NOTCH1: variants seen among roughly 807,000 people sequenced by gnomAD.
NOTCH1 encodes the protein notch receptor 1, also known as neurogenic locus notch homolog protein 1.
In NOTCH1, 37 loss-of-function variants were observed where a neutral mutation model predicts 254.8. The ratio of observed to expected loss-of-function variants is 0.15; its 90% CI spans 0.11 to 0.19. The LOEUF is 0.19. Among genes scored for constraint, NOTCH1 ranks in the 10% least tolerant of loss-of-function variants. The probability of loss-of-function intolerance (pLI) is 1.00; values close to 1 mark genes in which losing one functional copy is unlikely to be tolerated. For synonymous variants in NOTCH1, 1,731 were observed against 1,618.1 expected, an observed-to-expected ratio of 1.07 and a Z score of -1.68; for missense variants, 2,972 against 3,708.6, an observed-to-expected ratio of 0.80 and a Z score of 5.16.
rs373770404 is a variant in NOTCH1 at position 136,518,155 on chromosome 9, C to T, written c.1237G>A (p.Val413Met). 4.1e-5 allele frequency: 66 copies of T among 1,592,766 alleles called. No individual in the cohort carries two copies. Among genetic ancestry groups the T allele is most frequent in the Non-Finnish European group, 5.3e-5 (62 of 1,170,130 alleles). ...CACCTACCCAGCGAGCACTCATCCA[C>T]GTCCTGGCTGCAGGCCGGGCCCGTG... ...GYTGPACSQD[V>M]DECSLGANPC... The change falls in exon 7 of 34, where the codon GTG becomes ATG. Residue 413 changes from valine (V) to methionine (M), a missense_variant. Physicochemically the swap from Val to Met is conservative, Grantham distance 21. This residue lies in a region of NOTCH1 where 90 missense variants were observed against 183.6 expected (regional missense o/e 0.49). Coordinates refer to ENST00000651671, the MANE Select transcript of NOTCH1 (RefSeq NM_017617.5).
At chr9:136,532,569 G>A (rs1030756887) in intron 2 of NOTCH1, among the ~76,000 whole-genome samples, 2 of 152,126 alleles carry the variant, frequency 1.3e-5, no homozygotes, top group African/African-American at 4.8e-5. Context: ...GGAGCCGGGC[G>A]TGCCGCCCGA....
Position 136,503,336 on chromosome 9 carries a change from CG to C in NOTCH1, c.5019-7del, listed in dbSNP as rs768823936. 6.2e-7 allele frequency: 1 copy of C among 1,612,618 alleles called. No individual in the cohort carries two copies. The highest frequency in any genetic ancestry group is 1.1e-5 in the South Asian group (1 of 91,078). ...TCTCCAGGTAGACGATGGAGCTGGG[CG>C]GACAATCAGAGAGGGGCTGGGACCC... On this transcript the variant is annotated splice_region_variant and splice_polypyrimidine_tract_variant and intron_variant, in intron 26 of 33. Transcript: ENST00000651671.
At chr9:136,528,118 G>C (rs1279004615) in intron 2 of NOTCH1, among the ~76,000 whole-genome samples, 1 of 151,598 alleles carries the variant, frequency 6.6e-6, no homozygotes, top group Non-Finnish European at 1.5e-5. Context: ...CCCAAAATGA[G>C]AAGGAGGGGT....
rs760327596 is a variant in NOTCH1, at chr9:136,518,841, C to T, written c.866-17G>A. 1.9e-6 allele frequency: 3 copies of T among 1,609,344 alleles called. No individual in the cohort carries two copies. Among genetic ancestry groups the T allele is most frequent in the Non-Finnish European group, 2.5e-6 (3 of 1,177,230 alleles). The stretch of plus-strand genomic sequence containing the variant: ...AGTACTGACCTGCAGGGAACAGGAG[C>T]TGTCGGCCCCGGGCAGCTGCCACTC... On this transcript the variant is annotated splice_polypyrimidine_tract_variant and intron_variant, in intron 5 of 33. Coordinates refer to ENST00000651671, the MANE Select transcript of NOTCH1 (RefSeq NM_017617.5).
At chr9:136,499,466 G>A (rs917067878) in intron 31 of NOTCH1, among the ~76,000 whole-genome samples, 9 of 152,246 alleles carry the variant, frequency 5.9e-5, no homozygotes, top group Non-Finnish European at 1.0e-4. Context: ...GCTGCCCACA[G>A]ACAGGCCCCT....
rs377289044 is a variant in NOTCH1, at chr9:136,506,765, G to A, written c.3852C>T (p.Cys1284=). The change falls in exon 23 of 34, where the codon TGC becomes TGT. Residue 1284 remains cysteine (C), a synonymous_variant. Coordinates refer to ENST00000651671, the MANE Select transcript of NOTCH1 (RefSeq NM_017617.5). This position sits in a 1 kb window ranked among gnomAD's most constrained non-coding sequence, Gnocchi z 4.5. ...NPCDARGTQN[C]VQRVNDFHCE... is the part of the protein sequence containing the mutation. ...AGTGGAAGTCATTGACGCGCTGCAC[G>A]CAGTTCTGGGTGCCACGGGCGTCGC... 40 of 1,607,728 alleles carry A rather than the reference G, an allele frequency of 2.5e-5. No homozygotes were observed. The Admixed American group carries it at 6.2e-4, about 25-fold the overall frequency.
In NOTCH1 at chr9:136,508,382, G is replaced by A. The variant is rs759406527; in HGVS notation, c.3175C>T (p.Leu1059Phe). The change falls in exon 20 of 34, where the codon CTT becomes TTT. Residue 1059 changes from leucine (L) to phenylalanine (F), a missense_variant. Physicochemically the swap from Leu to Phe is conservative, Grantham distance 22. Transcript: ENST00000651671. ...QGYTGPNCQN[L>F]VHWCDSSPCK... ...GGCGAGGAGTCACACCAGTGCACAA[G>A]GTTCTGGGGACAGATTGGGGTCAGC... 3 of 1,613,234 alleles carry A rather than the reference G, an allele frequency of 1.9e-6. No individual in the cohort carries two copies. Among genetic ancestry groups the A allele is most frequent in the South Asian group, 1.1e-5 (1 of 91,090 alleles).
At position 136,509,858 on chromosome 9, in the gene NOTCH1, C is replaced by T. The variant is rs2133350962; in HGVS notation, c.2844G>A (p.Glu948=). 1 of 1,613,126 alleles carries T rather than the reference C, an allele frequency of 6.2e-7. No individual in the cohort carries two copies. Among genetic ancestry groups the T allele is most frequent in the Non-Finnish European group, 8.5e-7 (1 of 1,180,024 alleles). The stretch of plus-strand genomic sequence containing the variant: ...CGTTGCGGCAGGGGTCACTGGCACA[C>T]TCGTTGATGTCCTCCTCACAGAAAG... ...RGTFCEEDIN[E]CASDPCRNGA... The change falls in exon 18 of 34, where the codon GAG becomes GAA. Residue 948 remains glutamate, a synonymous_variant. Coordinates refer to ENST00000651671, the MANE Select transcript of NOTCH1 (RefSeq NM_017617.5).
Position 136,497,109 on chromosome 9 carries a change from C to G in NOTCH1, c.6630G>C (p.Leu2210=). 1 of 1,611,372 alleles carries G rather than the reference C, an allele frequency of 6.2e-7. No homozygotes were observed. ...VDSLESPHGY[L]SDVASPPLLP... is the part of the protein sequence containing the mutation. ...GCAGTGGCGGCGAGGCCACGTCTGA[C>G]AGGTAGCCATGGGGTGACTCCAGGG... The change falls in exon 34 of 34, where the codon CTG becomes CTC. Residue 2210 remains leucine (L), a synonymous_variant. Coordinates refer to ENST00000651671, the MANE Select transcript of NOTCH1 (RefSeq NM_017617.5).
In NOTCH1 at chr9:136,494,561, T is replaced by C; in HGVS notation, c.*1510A>G. 1 of 399,046 alleles carries C rather than the reference T, an allele frequency of 2.5e-6. No individual in the cohort carries two copies. The highest frequency in any genetic ancestry group is 4.4e-6 in the Non-Finnish European group (1 of 226,082). 24.7% of individuals were successfully genotyped at this position (399,046 alleles called of 1,614,324 possible). ...GTCTTTTTCTGTAAACTACACTCTA[T>C]TTTATAAAACACAGTAAAAATCAAC... On this transcript the variant is annotated 3_prime_UTR_variant, in exon 34 of 34. Coordinates refer to ENST00000651671, the MANE Select transcript of NOTCH1 (RefSeq NM_017617.5).
chr9:136,517,691 C>A lies in NOTCH1; in HGVS notation c.1441+61G>T, dbSNP rs919860937. ...AAGCAACCCACAGATGTTCCCGGGG[C>A]TGCCCCTCCAAGGCTGCCCAGCCTC... On this transcript the variant is annotated intron_variant, in intron 8 of 33. Coordinates refer to ENST00000651671, the MANE Select transcript of NOTCH1 (RefSeq NM_017617.5). 1.9e-6 allele frequency: 3 copies of A among 1,589,998 alleles called. No homozygotes were observed. The African/African-American group carries it at 4.0e-5, about 21-fold the overall frequency.
At chr9:136,501,942 C>T (rs1264737189) in intron 29 of NOTCH1, 29 bp from the exon 30 acceptor site, 12 of 1,611,398 alleles carry the variant, frequency 7.4e-6, no homozygotes, top group South Asian at 1.1e-5. Context: ...CAGAGCCTGT[C>T]AGGGCAGCCC....
intron 26 of NOTCH1, 68 bp downstream of exon 26, chr9:136,504,605 C>CA: frequency 1.4e-6 from 2 of 1,421,760 alleles, no homozygotes; most frequent in Non-Finnish European, 1.9e-6. Flanking sequence ...CCGTGAGGGG[C>CA]AGGGAGGCCG....
intron 3 of NOTCH1, 143 bp downstream of exon 3, chr9:136,523,574 G>A (rs1321694385): frequency 3.7e-6 from 4 of 1,066,998 alleles, no homozygotes; most frequent in Non-Finnish European, 5.4e-6. Flanking sequence ...TCTGGGAGGG[G>A]GGCAGGGACC....
rs1397413424 is a variant in NOTCH1, at chr9:136,523,846, C to G, written c.274G>C (p.Gly92Arg). ...GTCAGGCAGAGGGGCCCAGAGAAGC[C>G]CAGGGCACAGCTGCAGGCATAGTCT... ...VADYACSCAL[G>R]FSGPLCLTPL... The change falls in exon 3 of 34, where the codon GGC becomes CGC. Residue 92 changes from glycine to arginine, a missense_variant. Gly to Arg is a moderately radical substitution (Grantham distance 125). Transcript: ENST00000651671. 1.9e-6 allele frequency: 3 copies of G among 1,611,824 alleles called. No homozygotes were observed. The African/African-American group carries it at 4.0e-5, about 22-fold the overall frequency.
rs1345675047 is a variant in NOTCH1, at chr9:136,495,901, A to G, written c.*170T>C. 9.8e-6 allele frequency: 7 copies of G among 711,950 alleles called. No individual in the cohort carries two copies. The highest frequency in any genetic ancestry group is 1.6e-5 in the Non-Finnish European group (7 of 451,366). The allele number at this position is 711,950 out of a possible 1,614,324, so 44.1% of individuals were successfully genotyped here. On this transcript the variant is annotated 3_prime_UTR_variant, in exon 34 of 34. Transcript: ENST00000651671. ...AAATAAAAAGGCAGTGTTTCTGTGTAAAATAAAAGTACATAAATAAATACT... is the reference window on the plus strand; with the variant it reads ...AAATAAAAAGGCAGTGTTTCTGTGTGAAATAAAAGTACATAAATAAATACT...
Position 136,514,545 on chromosome 9 carries a change from G to C in NOTCH1, c.2172C>G (p.Pro724=), listed in dbSNP as rs1344204097. ...LSEVNECNSN[P]CVHGACRDSL... ...TGTCCCGGCAGGCCCCGTGGACGCA[G>C]GGGTTGCTGTTGCACTCATTGACCT... Residue 724 remains proline (P), a synonymous_variant, in exon 13 of 34, where the codon CCC becomes CCG. Coordinates refer to ENST00000651671, the MANE Select transcript of NOTCH1 (RefSeq NM_017617.5). The C allele has an allele frequency of 1.2e-6, 2 of 1,601,944 alleles. No homozygotes were observed. The highest frequency in any genetic ancestry group is 1.7e-5 in the Admixed American group (1 of 58,024).
intron 30 of NOTCH1, 66 bp from the exon 31 acceptor site, chr9:136,500,913 G>A (rs2133327111): frequency 6.6e-7 from 1 of 1,504,942 alleles, no homozygotes; most frequent in Non-Finnish European, 8.9e-7. Context: ...AGGGGGAGGG[G>A]GGCAGCAGCC....
Position 136,521,408 on chromosome 9 carries a change from C to G in NOTCH1, c.742+1442G>C, listed in dbSNP as rs374575552. 6.2e-3 allele frequency among the ~76,000 whole-genome samples: 947 copies of G among 152,124 alleles called. 10 individuals are homozygous for G. The highest frequency in any genetic ancestry group is 0.021 in the African/African-American group (870 of 41,514). The stretch of plus-strand genomic sequence containing the variant: ...CCCCTGCACGGGCAGTGGCTCTGAG[C>G]CGGCCCAGCACCCCTGGCATCTCTG... On this transcript the variant is annotated intron_variant, in intron 4 of 33. Coordinates refer to ENST00000651671, the MANE Select transcript of NOTCH1 (RefSeq NM_017617.5).
Sources: allele counts gnomAD v4.1 joint callset (sites outside exome capture counted in the v4.1 genomes callset), GRCh38; gene constraint gnomAD v4.1.1; regional missense constraint gnomAD v4.1.1; non-coding constraint Gnocchi (gnomAD v3.1); transcripts MANE v1.5; gene names NCBI Gene and HGNC (gene_info 2026-07-23, HGNC 2026-07-21).